Variants in PUS10 observed in about 807,000 individuals in gnomAD.
PUS10 encodes the protein pseudouridine synthase 10.
PUS10 carries 59 observed loss-of-function variants against 75.0 expected under a neutral mutation model. The ratio of observed to expected loss-of-function variants is 0.79; its 90% confidence interval spans 0.64 to 0.98. PUS10 has a LOEUF of 0.98. PUS10 is among the 50% of genes least tolerant of loss of function. The pLI is 0.00. For synonymous variants in PUS10, 219 were observed against 211.6 expected, an observed-to-expected ratio of 1.03 and a Z score of -0.30; for missense variants, 650 against 614.4, an observed-to-expected ratio of 1.06 and a Z score of -0.61.
At chr2:60,960,081 C>T (rs547994984) in intron 11 of PUS10, among the ~76,000 whole-genome samples, 2 of 141,612 alleles carry the variant, frequency 1.4e-5, no homozygotes, top group African/African-American at 5.3e-5. Context: ...ACTCAGGAGA[C>T]TGAAATGGGA....
chr2:60,992,600 C>G (rs1029417027), intron 4 of PUS10, among the ~76,000 whole-genome samples: 6 of 152,198 alleles, frequency 3.9e-5, no homozygotes, highest in Non-Finnish European at 8.8e-5. Flanking sequence ...TGGATGTGAA[C>G]TAAATTCTAA....
intron 5 of PUS10, among the ~76,000 whole-genome samples, chr2:60,970,939 G>A (rs915381922): frequency 1.3e-5 from 2 of 151,996 alleles, no homozygotes; most frequent in African/African-American, 4.8e-5. Flanking sequence ...CACCACTTTG[G>A]GAGGCCGAGG....
intron 4 of PUS10, among the ~76,000 whole-genome samples, chr2:60,973,317 G>A (rs1676811130): frequency 6.6e-6 from 1 of 152,254 alleles, no homozygotes; most frequent in Non-Finnish European, 1.5e-5. Flanking sequence ...CCAACTTGCG[G>A]CTGTGGACCT....
intron 1 of PUS10, among the ~76,000 whole-genome samples, chr2:61,014,472 AT>A (rs1442579308): frequency 1.3e-5 from 2 of 152,244 alleles, no homozygotes; most frequent in African/African-American, 4.8e-5. Context: ...TAAATTGCCA[AT>A]TTTTGCAATT....
intron 4 of PUS10, among the ~76,000 whole-genome samples, chr2:60,996,290 C>A (rs2104601483): frequency 1.3e-5 from 2 of 152,262 alleles, no homozygotes; most frequent in South Asian, 4.2e-4. Flanking sequence ...ACATGCCAAC[C>A]AGGGCTTGGG....
At chr2:60,982,171 T>G (rs1487171513) in intron 4 of PUS10, among the ~76,000 whole-genome samples, 1 of 152,080 alleles carries the variant, frequency 6.6e-6, no homozygotes, top group Non-Finnish European at 1.5e-5. Flanking sequence ...ACTGCCTGAC[T>G]CCAGCAGGAA....
chr2:60,947,702 G>T, intron 16 of PUS10, among the ~76,000 whole-genome samples: 1 of 151,602 alleles, frequency 6.6e-6, no homozygotes, highest in Non-Finnish European at 1.5e-5. Context: ...GGTGGCAGGC[G>T]CCTGTAGTCC....
At chr2:60,974,614 C>T (rs1202419583) in intron 4 of PUS10, among the ~76,000 whole-genome samples, 1 of 152,230 alleles carries the variant, frequency 6.6e-6, no homozygotes, top group African/African-American at 2.4e-5. Flanking sequence ...GCGTGACACC[C>T]TCTTTAGGGC....
chr2:61,011,801 A>G lies in PUS10; in HGVS notation c.90T>C (p.Gly30=). 1 of 1,608,712 alleles carries G rather than the reference A, an allele frequency of 6.2e-7. No homozygotes were observed. The highest frequency in any genetic ancestry group is 1.1e-5 in the South Asian group (1 of 90,030). ...GTTTGTAAGGTGCATGAAAATCCAC[A>G]CCACAGAATCTGAAGATACATCTTG... is the stretch of plus-strand genomic sequence containing the variant. The part of the protein sequence containing the change: ...TCPRCIFRFC[G]VDFHAPYKLP... Residue 30 remains glycine, a synonymous_variant, in exon 2 of 18, where the codon GGT becomes GGC. Transcript: ENST00000316752.
chr2:60,970,881 T>C (rs1221931688), intron 5 of PUS10, among the ~76,000 whole-genome samples: 1 of 152,172 alleles, frequency 6.6e-6, no homozygotes, highest in Non-Finnish European at 1.5e-5. Flanking sequence ...CTAAGACCAA[T>C]ATAAAATTTA....
At chr2:61,013,707 T>C (rs1409936750) in intron 1 of PUS10, among the ~76,000 whole-genome samples, 1 of 152,188 alleles carries the variant, frequency 6.6e-6, no homozygotes, top group African/African-American at 2.4e-5. Flanking sequence ...CTACCCTTAA[T>C]GATAGCTTAG....
chr2:60,997,609 CAAA>C (rs559678211), intron 4 of PUS10, among the ~76,000 whole-genome samples: 4 of 77,792 alleles, frequency 5.1e-5, no homozygotes, highest in Admixed American at 1.6e-4. Flanking sequence ...GACTCCATCT[CAAA>C]AAAAAAAAAA....
At chr2:61,003,079 T>G (rs538178114) in intron 4 of PUS10, among the ~76,000 whole-genome samples, 3 of 152,322 alleles carry the variant, frequency 2.0e-5, no homozygotes, top group African/African-American at 7.2e-5. Context: ...CTGAACTCAG[T>G]GGAAAATGAT....
chr2:60,948,425 A>T (rs1047847814), intron 15 of PUS10, among the ~76,000 whole-genome samples: 2 of 152,082 alleles, frequency 1.3e-5, no homozygotes, highest in Non-Finnish European at 2.9e-5. Context: ...ATGCGGTTTC[A>T]CCATATCTGC....
intron 4 of PUS10, among the ~76,000 whole-genome samples, chr2:60,980,821 C>T (rs1272474173): frequency 6.6e-6 from 1 of 152,188 alleles, no homozygotes; most frequent in Non-Finnish European, 1.5e-5. Context: ...AAGATGAGTA[C>T]AGGCACCTTC....
In PUS10 at chr2:61,008,908, A is replaced by G. The variant is rs773237777; in HGVS notation, c.234T>C (p.Asp78=). ...PKKIRLQELE[D]SIDNLSQNGE... Reference sequence around the variant, plus strand: ...CATTTTGACTTAGATTATCAATACTATCTTCCAGTTCTTGCAGTCGAATTT... The same window carrying G: ...CATTTTGACTTAGATTATCAATACTGTCTTCCAGTTCTTGCAGTCGAATTT... Residue 78 remains aspartate, a synonymous_variant, in exon 3 of 18, where the codon GAT becomes GAC. Coordinates refer to ENST00000316752, the MANE Select transcript of PUS10 (RefSeq NM_144709.4). The G allele has an allele frequency of 6.2e-7, 1 of 1,613,944 alleles. No individual in the cohort carries two copies. Among genetic ancestry groups the G allele is most frequent in the South Asian group, 1.1e-5 (1 of 91,060 alleles).
At chr2:61,006,040 C>A (rs1254932211) in intron 4 of PUS10, among the ~76,000 whole-genome samples, 2 of 152,218 alleles carry the variant, frequency 1.3e-5, no homozygotes, top group Middle Eastern at 3.4e-3. Flanking sequence ...AAGAATATTA[C>A]AGCAGTGACT....
chr2:61,005,262 A>AAAACAAAC (rs374994768), intron 4 of PUS10, among the ~76,000 whole-genome samples: 1 of 152,122 alleles, frequency 6.6e-6, no homozygotes, highest in Non-Finnish European at 1.5e-5. Flanking sequence ...ACTCCGTCTC[A>AAAACAAAC]AAACAAACAA....
intron 1 of PUS10, among the ~76,000 whole-genome samples, chr2:61,013,113 C>A (rs1679735455): frequency 6.6e-6 from 1 of 151,530 alleles, no homozygotes; most frequent in African/African-American, 2.4e-5. Flanking sequence ...ATTAGCTGGG[C>A]ATGGTGGTAC....
Sources: allele counts gnomAD v4.1 joint callset (sites outside exome capture counted in the v4.1 genomes callset), GRCh38; gene constraint gnomAD v4.1.1; transcripts MANE v1.5; gene names NCBI Gene and HGNC (gene_info 2026-07-23, HGNC 2026-07-21).